Variants in NRG3 observed in about 807,000 individuals in gnomAD.
NRG3 encodes pro-neuregulin-3, membrane-bound isoform.
A neutral mutation model predicts 66.9 loss-of-function variants in NRG3; 31 were observed. That is an observed-to-expected ratio of 0.46 (90% CI 0.35 to 0.63). NRG3 has a LOEUF of 0.63. NRG3 is among the 20% of genes least tolerant of loss of function. NRG3 has a pLI of 0.00. For synonymous variants in NRG3, 393 were observed against 359.4 expected (o/e 1.09, Z -1.06); for missense variants, 910 against 878.9 (o/e 1.04, Z -0.45).
At chr10:82,154,014 G>T (rs2070993867) in intron 1 of NRG3, among the ~76,000 whole-genome samples, 1 of 151,910 alleles carries the variant, frequency 6.6e-6, no homozygotes, top group East Asian at 1.9e-4. Flanking sequence ...AATCAGGAGG[G>T]TGTCTCTTCA....
chr10:82,511,166 G>A (rs2132443182), intron 2 of NRG3, among the ~76,000 whole-genome samples: 1 of 152,214 alleles, frequency 6.6e-6, no homozygotes. Context: ...AGCATTTTCT[G>A]ACATTCAGAT....
chr10:82,704,033 A>T (rs2056100987), intron 2 of NRG3, among the ~76,000 whole-genome samples: 2 of 152,288 alleles, frequency 1.3e-5, no homozygotes, highest in South Asian at 4.1e-4. Flanking sequence ...AGAATCCTTT[A>T]TCTTACCTTT....
chr10:82,954,181 A>G (rs1472572813), intron 5 of NRG3, among the ~76,000 whole-genome samples: 4 of 151,962 alleles, frequency 2.6e-5, no homozygotes, highest in African/African-American at 7.3e-5. Flanking sequence ...GCTTTGTACA[A>G]GAAAGAAATT....
In NRG3 at chr10:82,521,433, C is replaced by T. The variant is rs183688880; in HGVS notation, c.953+162565C>T. On this transcript the variant is annotated intron_variant, in intron 2 of 8. Coordinates refer to ENST00000372141, the MANE Select transcript of NRG3 (RefSeq NM_001010848.4). ...TCGGCTCACTGCAAGCCCTGTCTCC[C>T]GGGTTCACGCCATTCTCCTGCCTCA... Among the ~76,000 whole-genome samples the T allele has an allele frequency of 3.4e-3, 510 of 150,620 alleles. 3 individuals are homozygous for T. Among genetic ancestry groups the T allele is most frequent in the Non-Finnish European group, 5.9e-3 (401 of 67,518 alleles).
At chr10:82,848,726 G>A (rs1012631609) in intron 3 of NRG3, among the ~76,000 whole-genome samples, 1 of 152,092 alleles carries the variant, frequency 6.6e-6, no homozygotes, top group Non-Finnish European at 1.5e-5. Flanking sequence ...CACATATCAT[G>A]GTGGGAGGGA....
intron 1 of NRG3, among the ~76,000 whole-genome samples, chr10:82,159,869 A>G (rs1225204611): frequency 6.6e-6 from 1 of 151,936 alleles, no homozygotes. Context: ...TATCTTAAAT[A>G]TAAAGCTATG....
At chr10:81,920,997 A>G (rs1013767268) in intron 1 of NRG3, among the ~76,000 whole-genome samples, 4 of 152,112 alleles carry the variant, frequency 2.6e-5, no homozygotes, top group Admixed American at 2.6e-4. Flanking sequence ...ATATTTTGCC[A>G]GAATGTATTT....
intron 3 of NRG3, among the ~76,000 whole-genome samples, chr10:82,751,803 G>A (rs2058875504): frequency 6.6e-6 from 1 of 152,136 alleles, no homozygotes; most frequent in African/African-American, 2.4e-5. Flanking sequence ...GAATACTTTT[G>A]TAGAATGGAA....
rs150974005 is a variant in NRG3 at position 82,880,248 on chromosome 10, C to T, written c.1054+14811C>T. On this transcript the variant is annotated intron_variant, in intron 4 of 8. Coordinates refer to ENST00000372141, the MANE Select transcript of NRG3 (RefSeq NM_001010848.4). ...CTAATCTTTGGTTTGGGGAAAACTG[C>T]TCCTGTCTTCATTTTAGTATCCTTG... 6.9e-4 allele frequency among the ~76,000 whole-genome samples: 105 copies of T among 152,136 alleles called. No individual in the cohort carries two copies. The South Asian group carries it at 0.011, about 16-fold the overall frequency.
At chr10:82,233,062 T>A in intron 1 of NRG3, 1 of 478,016 alleles carries the variant, frequency 2.1e-6, no homozygotes, top group East Asian at 3.4e-5. Flanking sequence ...GGCTGGTCCC[T>A]TTCCTATCTT....
intron 2 of NRG3, among the ~76,000 whole-genome samples, chr10:82,479,520 G>A (rs1445408458): frequency 6.7e-6 from 1 of 149,678 alleles, no homozygotes; most frequent in Admixed American, 6.7e-5. Flanking sequence ...AAAAACAGCT[G>A]GGCGTGGTGA....
At chr10:82,529,601 A>G (rs1847062325) in intron 2 of NRG3, among the ~76,000 whole-genome samples, 1 of 152,200 alleles carries the variant, frequency 6.6e-6, no homozygotes, top group South Asian at 2.1e-4. Flanking sequence ...ATGCTTAGAG[A>G]ATTTCCAGTA....
At chr10:82,971,543 T>G (rs958490008) in intron 6 of NRG3, among the ~76,000 whole-genome samples, 1 of 151,778 alleles carries the variant, frequency 6.6e-6, no homozygotes, top group Non-Finnish European at 1.5e-5. Flanking sequence ...TTCAAGCTAT[T>G]CTCCTGCCTC....
At chr10:82,540,562 A>G (rs1385869519) in intron 2 of NRG3, among the ~76,000 whole-genome samples, 5 of 151,950 alleles carry the variant, frequency 3.3e-5, no homozygotes, top group African/African-American at 1.2e-4. Flanking sequence ...GCAGGCAGAC[A>G]GTATGCAGCC....
intron 1 of NRG3, among the ~76,000 whole-genome samples, chr10:82,123,016 A>AG (rs397768398): frequency 2.7e-5 from 4 of 149,904 alleles, no homozygotes; most frequent in Admixed American, 2.7e-4. Flanking sequence ...AAAAAAAAAA[A>AG]CACATAAGAA....
chr10:82,298,192 C>CAG (rs949131501), intron 1 of NRG3, among the ~76,000 whole-genome samples: 4 of 126,954 alleles, frequency 3.2e-5, no homozygotes, highest in Admixed American at 1.0e-4. Flanking sequence ...GAGATAATGA[C>CAG]AGAGAGAGAG....
intron 2 of NRG3, among the ~76,000 whole-genome samples, chr10:82,470,202 G>A (rs1282260839): frequency 6.6e-6 from 1 of 152,078 alleles, no homozygotes. Context: ...CTATTTATTG[G>A]GATTAATTGA....
At chr10:82,330,273 AT>A (rs1297524321) in intron 1 of NRG3, among the ~76,000 whole-genome samples, 3 of 152,214 alleles carry the variant, frequency 2.0e-5, no homozygotes, top group African/African-American at 7.2e-5. Context: ...AAAAATTATA[AT>A]TATATAAACT....
At chr10:82,807,455 C>T (rs2061336837) in intron 3 of NRG3, among the ~76,000 whole-genome samples, 1 of 152,100 alleles carries the variant, frequency 6.6e-6, no homozygotes, top group African/African-American at 2.4e-5. Context: ...TACTCATGTC[C>T]ACCTATGTAA....
Sources: gnomAD v4.1 joint callset for allele counts (sites outside exome capture counted in the v4.1 genomes callset) on GRCh38, gnomAD v4.1.1 for gene constraint, MANE v1.5 for transcripts, NCBI Gene and HGNC (gene_info 2026-07-23, HGNC 2026-07-21) for gene names.